Variants in NCOA2 observed in about 807,000 individuals in gnomAD.
NCOA2 encodes nuclear receptor coactivator 2, also known as class E basic helix-loop-helix protein 75.
NCOA2 carries 21 observed loss-of-function variants against 145.1 expected under a neutral mutation model. The observed-to-expected ratio is 0.14, with a 90% CI of 0.10 to 0.21. The LOEUF (loss-of-function observed/expected upper bound fraction) is 0.21, where lower values mean the gene tolerates loss of function less well. NCOA2 is among the 10% of genes least tolerant of loss of function. NCOA2 has a pLI of 1.00. For missense variants in NCOA2, 1,472 were observed against 1,837.6 expected (o/e 0.80, Z 3.64); for synonymous variants, 619 against 637.5 (o/e 0.97, Z 0.44).
At chr8:70,409,897 G>C in the NCOA2 span, among the ~76,000 whole-genome samples, 1 of 151,818 alleles carries the variant, frequency 6.6e-6, no homozygotes, top group Non-Finnish European at 1.5e-5. Context: ...GAATAAAAGA[G>C]AGAGAGAGAG....
At chr8:70,299,836 A>T (rs1029084958) in intron 1 of NCOA2, among the ~76,000 whole-genome samples, 3 of 152,232 alleles carry the variant, frequency 2.0e-5, no homozygotes, top group Non-Finnish European at 4.4e-5. Flanking sequence ...CTGAATGGAA[A>T]TGTTCACAGC....
At chr8:70,149,884 A>C (rs1450679851) in intron 11 of NCOA2, among the ~76,000 whole-genome samples, 1 of 152,188 alleles carries the variant, frequency 6.6e-6, no homozygotes, top group East Asian at 1.9e-4. Flanking sequence ...ACACTGGCAA[A>C]TCAAATGAAA....
At chr8:70,292,790 T>TA (rs1826795150) in intron 2 of NCOA2, among the ~76,000 whole-genome samples, 1 of 152,172 alleles carries the variant, frequency 6.6e-6, no homozygotes, top group Non-Finnish European at 1.5e-5. Context: ...TGAGGAAAAC[T>TA]AAGCTAACCG....
At chr8:70,145,812 G>T (rs1279221654) in intron 12 of NCOA2, among the ~76,000 whole-genome samples, 1 of 151,562 alleles carries the variant, frequency 6.6e-6, no homozygotes, top group Admixed American at 6.6e-5. Flanking sequence ...AAATTTTTTT[G>T]TTGAGACAGT....
chr8:70,143,125 T>C (rs1427577689), intron 13 of NCOA2, among the ~76,000 whole-genome samples: 2 of 152,092 alleles, frequency 1.3e-5, no homozygotes, highest in Non-Finnish European at 2.9e-5. Flanking sequence ...AATTTTTGTA[T>C]TTTTAGTGGA....
upstream of NCOA2, among the ~76,000 whole-genome samples, chr8:70,407,673 T>C (rs1814804203): frequency 1.3e-5 from 2 of 151,176 alleles, no homozygotes; most frequent in Non-Finnish European, 2.9e-5. Context: ...GGCGCGCTCC[T>C]GTAGTCCCAG....
intron 11 of NCOA2, among the ~76,000 whole-genome samples, chr8:70,153,031 GT>G (rs901366655): frequency 1.3e-5 from 2 of 152,128 alleles, no homozygotes; most frequent in Non-Finnish European, 2.9e-5. Context: ...AAGAATCATT[GT>G]TTTTTTCTTA....
intron 1 of NCOA2, chr8:70,402,582 C>T (rs918188541): frequency 1.3e-5 from 2 of 152,142 alleles, no homozygotes; most frequent in African/African-American, 4.8e-5. Flanking sequence ...GACCCCGGCC[C>T]CCTCCCCCAG....
intron 2 of NCOA2, among the ~76,000 whole-genome samples, chr8:70,233,784 T>C (rs1212291579): frequency 6.6e-6 from 1 of 152,226 alleles, no homozygotes; most frequent in Non-Finnish European, 1.5e-5. Flanking sequence ...TCTTCTTCCT[T>C]TTTGAAGTTA....
chr8:70,160,674 A>AGAGAGAGAGAGAGAGG (rs1812853278), intron 9 of NCOA2, among the ~76,000 whole-genome samples: 1 of 145,052 alleles, frequency 6.9e-6, no homozygotes, highest in Non-Finnish European at 1.5e-5. Flanking sequence ...AGAGAGAGAG[A>AGAGAGAGAGAGAGAGG]GAGAGAGGGA....
At chr8:70,394,435 G>A (rs968403741) in intron 1 of NCOA2, among the ~76,000 whole-genome samples, 1 of 152,190 alleles carries the variant, frequency 6.6e-6, no homozygotes, top group Non-Finnish European at 1.5e-5. Flanking sequence ...GATTACACGC[G>A]TGAGTCACCG....
intron 2 of NCOA2, among the ~76,000 whole-genome samples, chr8:70,232,452 G>A (rs1586190761): frequency 6.6e-6 from 1 of 152,200 alleles, no homozygotes; most frequent in East Asian, 1.9e-4. Flanking sequence ...TTGTTCTATT[G>A]ACCTCAACAA....
chr8:70,318,968 A>C (rs749610287), intron 1 of NCOA2, among the ~76,000 whole-genome samples: 1 of 152,200 alleles, frequency 6.6e-6, no homozygotes, highest in Non-Finnish European at 1.5e-5. Flanking sequence ...TCTCTATACC[A>C]TTGACCTCTG....
Position 70,343,336 on chromosome 8 carries a change from T to A in NCOA2, c.-76-46536A>T, listed in dbSNP as rs146129720. ...GGTCACAAAAAACTAAAATAATATA[T>A]GAACCTTTCCACACCAGTACCATTT... is the stretch of plus-strand genomic sequence containing the variant. On this transcript the variant is annotated intron_variant, in intron 1 of 22. Transcript: ENST00000452400. 6.0e-3 allele frequency among the ~76,000 whole-genome samples: 912 copies of A among 152,216 alleles called. 11 individuals are homozygous for A. The highest frequency in any genetic ancestry group is 0.017 in the Middle Eastern group (5 of 294).
At chr8:70,398,333 C>G (rs1286376596) in intron 1 of NCOA2, among the ~76,000 whole-genome samples, 1 of 152,138 alleles carries the variant, frequency 6.6e-6, no homozygotes, top group Non-Finnish European at 1.5e-5. Flanking sequence ...GAGACACACA[C>G]CTGTAGTCCC....
At chr8:70,430,344 TA>T in the NCOA2 span, among the ~76,000 whole-genome samples, 1 of 152,244 alleles carries the variant, frequency 6.6e-6, no homozygotes, top group Non-Finnish European at 1.5e-5. Context: ...AGACATTTGA[TA>T]ACTACTTTTA....
chr8:70,365,962 C>T (rs1810651810), intron 1 of NCOA2, among the ~76,000 whole-genome samples: 1 of 152,076 alleles, frequency 6.6e-6, no homozygotes, highest in Admixed American at 6.5e-5. Context: ...AAGGAAGAGA[C>T]AGTGAGGGAA....
the NCOA2 span, among the ~76,000 whole-genome samples, chr8:70,421,447 A>G: frequency 9.0e-4 from 137 of 152,212 alleles, 2 homozygotes; most frequent in East Asian, 0.016. Context: ...AGTCGTAGCT[A>G]CTCAGGATGC....
chr8:70,207,311 G>A (rs540673813), intron 4 of NCOA2, among the ~76,000 whole-genome samples: 1 of 152,268 alleles, frequency 6.6e-6, no homozygotes, highest in South Asian at 2.1e-4. Flanking sequence ...CTTGAAGTGA[G>A]AGCTCACATC....
Sources: allele counts gnomAD v4.1 joint callset (sites outside exome capture counted in the v4.1 genomes callset), GRCh38; gene constraint gnomAD v4.1.1; transcripts MANE v1.5; gene names NCBI Gene and HGNC (gene_info 2026-07-23, HGNC 2026-07-21).